Variants in MAF observed in about 807,000 individuals in gnomAD.
MAF encodes the protein transcription factor Maf.
Under a neutral mutation model 22.0 loss-of-function variants are expected in MAF, and 10 were observed. The ratio of observed to expected loss-of-function variants is 0.45; its 90% CI spans 0.28 to 0.77. MAF has a LOEUF of 0.77. Among genes scored for constraint, MAF ranks in the 30% least tolerant of loss-of-function variants. The pLI, the probability that MAF is intolerant of heterozygous loss-of-function variation, is 0.12. For missense variants in MAF, 544 were observed against 548.4 expected (o/e 0.99, Z 0.08); for synonymous variants, 337 against 255.8 (o/e 1.32, Z -3.03).
chr16:79,254,528 T>C, the MAF span, among the ~76,000 whole-genome samples: 1 of 152,260 alleles, frequency 6.6e-6, no homozygotes, highest in Non-Finnish European at 1.5e-5. Flanking sequence ...TTATTTATGG[T>C]TGATTGCCTA....
chr16:79,563,587 T>C, the MAF span, among the ~76,000 whole-genome samples: 1 of 152,322 alleles, frequency 6.6e-6, no homozygotes, highest in South Asian at 2.1e-4. Flanking sequence ...ATACTTTTGA[T>C]TTATGGCATT....
the MAF span, among the ~76,000 whole-genome samples, chr16:79,293,408 C>G: frequency 6.6e-6 from 1 of 152,092 alleles, no homozygotes; most frequent in Non-Finnish European, 1.5e-5. Flanking sequence ...GAAAATGAAA[C>G]TGAATTCTAG....
chr16:79,270,900 GT>G, the MAF span, among the ~76,000 whole-genome samples: 48 of 144,372 alleles, frequency 3.3e-4, no homozygotes, highest in African/African-American at 7.4e-4. Flanking sequence ...CATGGCCAGA[GT>G]TTTTTTTTTT....
At chr16:79,366,956 C>G in the MAF span, among the ~76,000 whole-genome samples, 1 of 152,158 alleles carries the variant, frequency 6.6e-6, no homozygotes, top group Non-Finnish European at 1.5e-5. Flanking sequence ...ATAGCAAGTG[C>G]CCCATCTGTA....
the MAF span, among the ~76,000 whole-genome samples, chr16:79,250,403 A>G: frequency 6.6e-6 from 1 of 152,266 alleles, no homozygotes; most frequent in Non-Finnish European, 1.5e-5. Flanking sequence ...CAATTCCCAA[A>G]GAGACTGCGG....
the MAF span, among the ~76,000 whole-genome samples, chr16:79,414,616 G>A: frequency 6.6e-6 from 1 of 152,152 alleles, no homozygotes; most frequent in Non-Finnish European, 1.5e-5. Context: ...GGATACAGAG[G>A]TAAACAGACA....
the MAF span, among the ~76,000 whole-genome samples, chr16:79,547,079 C>G: frequency 6.6e-6 from 1 of 152,056 alleles, no homozygotes; most frequent in Non-Finnish European, 1.5e-5. Context: ...TTGAAAAGTT[C>G]CTTTCTGAAA....
chr16:79,597,648 C>G (rs1369983373), intron 1 of MAF: 12 of 1,020,902 alleles, frequency 1.2e-5, no homozygotes, highest in Non-Finnish European at 1.4e-5. Context: ...GAAGGCTCTA[C>G]GGTTGCACTG....
At chr16:79,504,916 G>C in the MAF span, among the ~76,000 whole-genome samples, 1 of 152,148 alleles carries the variant, frequency 6.6e-6, no homozygotes, top group African/African-American at 2.4e-5. Flanking sequence ...TACACACACA[G>C]TGTGGAGTTA....
chr16:79,577,154 G>T, the MAF span, among the ~76,000 whole-genome samples: 12 of 151,978 alleles, frequency 7.9e-5, no homozygotes, highest in Non-Finnish European at 1.5e-4. Context: ...TTTCAGAGCC[G>T]GAGGGGTCTT....
At chr16:79,409,303 AG>A in the MAF span, among the ~76,000 whole-genome samples, 1 of 152,222 alleles carries the variant, frequency 6.6e-6, no homozygotes, top group African/African-American at 2.4e-5. Context: ...TGGCATGGAA[AG>A]GAAGTCGCGC....
chr16:79,598,414 C>G lies in MAF; in HGVS notation c.1118+371G>C, dbSNP rs1913701262. The G allele has an allele frequency of 8.2e-6, 7 of 850,298 alleles. No homozygotes were observed. In the South Asian group the frequency reaches 1.4e-4, roughly 16 times the overall value. 52.7% of individuals were successfully genotyped at this position (850,298 alleles called of 1,614,324 possible). A position where few individuals can be genotyped will look rare whatever the true frequency, so the allele number is the denominator to read the frequency against. ...TTCACATGAAGAACTCTGCTGAGATCATTGAACATTGTGCAAGTCCGGGGG... is the reference window on the plus strand; with the variant it reads ...TTCACATGAAGAACTCTGCTGAGATGATTGAACATTGTGCAAGTCCGGGGG... On this transcript the variant is annotated intron_variant, in intron 1 of 1. Transcript: ENST00000326043.
the MAF span, among the ~76,000 whole-genome samples, chr16:79,350,600 C>T: frequency 6.6e-6 from 1 of 152,154 alleles, no homozygotes; most frequent in Admixed American, 6.5e-5. Flanking sequence ...CGCTGAAAAA[C>T]CTCCCGCTGC....
chr16:79,536,115 C>T, the MAF span, among the ~76,000 whole-genome samples: 1 of 152,196 alleles, frequency 6.6e-6, no homozygotes, highest in African/African-American at 2.4e-5. Flanking sequence ...ACTTCATGAT[C>T]CTAGTGCTAT....
the MAF span, among the ~76,000 whole-genome samples, chr16:79,566,916 G>A: frequency 8.5e-5 from 13 of 152,292 alleles, no homozygotes; most frequent in African/African-American, 3.1e-4. Context: ...AAATGGACTT[G>A]GATAGAATCT....
At chr16:79,354,863 C>T in the MAF span, among the ~76,000 whole-genome samples, 15 of 152,092 alleles carry the variant, frequency 9.9e-5, no homozygotes, top group Non-Finnish European at 1.8e-4. Flanking sequence ...AAATAACAAT[C>T]CCACAAAACA....
chr16:79,351,249 C>T, the MAF span, among the ~76,000 whole-genome samples: 132 of 152,222 alleles, frequency 8.7e-4, no homozygotes, highest in African/African-American at 3.1e-3. Flanking sequence ...TTTGCTCATC[C>T]CTTCCTTGAT....
chr16:79,446,145 C>A, the MAF span, among the ~76,000 whole-genome samples: 1 of 152,142 alleles, frequency 6.6e-6, no homozygotes. Context: ...GTTATTTTAT[C>A]TCATTTTCAT....
At chr16:79,528,564 C>T in the MAF span, among the ~76,000 whole-genome samples, 41 of 152,036 alleles carry the variant, frequency 2.7e-4, no homozygotes, top group Admixed American at 1.4e-3. Context: ...CTAGGCTCAG[C>T]CCTGGTGAAT....
Sources: allele counts gnomAD v4.1 joint callset (sites outside exome capture counted in the v4.1 genomes callset), GRCh38; gene constraint gnomAD v4.1.1; transcripts MANE v1.5; gene names NCBI Gene and HGNC (gene_info 2026-07-23, HGNC 2026-07-21).